Variants in COMMD10 observed in about 807,000 individuals in gnomAD.
COMMD10 encodes COMM domain-containing protein 10.
In COMMD10, 33 loss-of-function variants were observed where a neutral mutation model predicts 28.9. The observed-to-expected ratio is 1.14, with a 90% CI of 0.87 to 1.53. The LOEUF is 1.53. Ranked by LOEUF, COMMD10 falls within the 40% of genes most tolerant of loss-of-function variation. The pLI is 0.00. For synonymous variants in COMMD10, 110 were observed against 81.7 expected (o/e 1.35, Z -1.87); for missense variants, 310 against 233.4 (o/e 1.33, Z -2.14).
At chr5:116,234,714 G>A (rs904497486) in intron 5 of COMMD10, among the ~76,000 whole-genome samples, 4 of 152,066 alleles carry the variant, frequency 2.6e-5, no homozygotes, top group African/African-American at 7.2e-5. Flanking sequence ...AGGAACTTCC[G>A]AAAAAATAGT....
chr5:116,095,025 A>G (rs1490664194), intron 4 of COMMD10, among the ~76,000 whole-genome samples: 1 of 152,134 alleles, frequency 6.6e-6, no homozygotes, highest in African/African-American at 2.4e-5. Context: ...AATGCATGGG[A>G]TGTGGGGTCG....
intron 5 of COMMD10, among the ~76,000 whole-genome samples, chr5:116,236,868 C>A (rs1274952171): frequency 1.3e-5 from 2 of 152,040 alleles, no homozygotes; most frequent in Admixed American, 1.3e-4. Flanking sequence ...ATGTACTACT[C>A]TGGTGGGGGA....
At chr5:116,184,314 CT>C (rs35164348) in intron 5 of COMMD10, among the ~76,000 whole-genome samples, 25,344 of 144,200 alleles carry the variant, frequency 0.18, 2,319 homozygotes, top group East Asian at 0.38. Context: ...TATATCTGAC[CT>C]TTTTTTTTTT....
intron 5 of COMMD10, among the ~76,000 whole-genome samples, chr5:116,192,778 T>C (rs1748403836): frequency 6.6e-6 from 1 of 152,178 alleles, no homozygotes; most frequent in South Asian, 2.1e-4. Flanking sequence ...CCAGCCTTGC[T>C]AGGAACCTAG....
chr5:116,275,926 G>A (rs1392430137), intron 5 of COMMD10, among the ~76,000 whole-genome samples: 1 of 150,650 alleles, frequency 6.6e-6, no homozygotes, highest in Non-Finnish European at 1.5e-5. Context: ...TCCTTTTAGA[G>A]GGAAAGTAAA....
At chr5:116,209,864 T>C (rs528990372) in intron 5 of COMMD10, among the ~76,000 whole-genome samples, 22 of 152,244 alleles carry the variant, frequency 1.4e-4, no homozygotes, top group South Asian at 2.1e-4. Flanking sequence ...TAAAAAACAT[T>C]TTATATAGTT....
chr5:116,170,123 A>G (rs148077411), intron 5 of COMMD10, among the ~76,000 whole-genome samples: 8,022 of 152,288 alleles, frequency 0.053, 296 homozygotes, highest in African/African-American at 0.11. Context: ...TTAAGCTGAT[A>G]AGCAACTTCA....
intron 5 of COMMD10, among the ~76,000 whole-genome samples, chr5:116,191,008 A>G (rs1012981406): frequency 6.6e-6 from 1 of 152,222 alleles, no homozygotes; most frequent in Admixed American, 6.5e-5. Context: ...GTTGCCTTAC[A>G]TAACTTTCCA....
intron 5 of COMMD10, among the ~76,000 whole-genome samples, chr5:116,269,056 C>T (rs1411979818): frequency 6.6e-6 from 1 of 151,422 alleles, no homozygotes; most frequent in Admixed American, 6.6e-5. Context: ...TGTAACAAAC[C>T]TGCATGTTGT....
intron 5 of COMMD10, among the ~76,000 whole-genome samples, chr5:116,219,238 CTG>C (rs33980750): frequency 0.59 from 89,823 of 151,692 alleles, 30,751 homozygotes; most frequent in South Asian, 0.77. Context: ...GCCACCCAGT[CTG>C]TGGCATTTCG....
rs921941708 is a variant in COMMD10 at position 116,292,626 on chromosome 5, C to G, written c.*137C>G. The G allele has an allele frequency of 1.8e-6, 1 of 571,174 alleles. No homozygotes were observed. Among genetic ancestry groups the G allele is most frequent in the Non-Finnish European group, 3.0e-6 (1 of 333,592 alleles). 35.4% of individuals were successfully genotyped at this position (571,174 alleles called of 1,614,324 possible). The stretch of plus-strand genomic sequence containing the variant: ...ATTATATGGCTTATCACTTCTTAGA[C>G]AAATAACAACCAATAGAGATCATTG... On this transcript the variant is annotated 3_prime_UTR_variant, in exon 7 of 7. Coordinates refer to ENST00000274458, the MANE Select transcript of COMMD10 (RefSeq NM_016144.4).
At chr5:116,118,748 T>C (rs1335965770) in intron 4 of COMMD10, among the ~76,000 whole-genome samples, 3 of 107,860 alleles carry the variant, frequency 2.8e-5, no homozygotes, top group East Asian at 4.7e-4. Flanking sequence ...ATGGAAATTC[T>C]CCAGGAAAAA....
chr5:116,256,223 A>C (rs748886456), intron 5 of COMMD10, among the ~76,000 whole-genome samples: 1 of 151,824 alleles, frequency 6.6e-6, no homozygotes, highest in Admixed American at 6.6e-5. Flanking sequence ...GTTTTGTCCA[A>C]AATGATTTTG....
At chr5:116,094,900 C>T (rs1421516002) in intron 4 of COMMD10, among the ~76,000 whole-genome samples, 1 of 152,038 alleles carries the variant, frequency 6.6e-6, no homozygotes. Flanking sequence ...CTTTATGTTA[C>T]GTGAAATAAG....
chr5:116,188,183 C>T (rs1304621022), intron 5 of COMMD10, among the ~76,000 whole-genome samples: 1 of 152,120 alleles, frequency 6.6e-6, no homozygotes, highest in African/African-American at 2.4e-5. Flanking sequence ...AGGAAAATAA[C>T]TTGTCTGTGA....
At chr5:116,182,150 C>T (rs893721540) in intron 5 of COMMD10, among the ~76,000 whole-genome samples, 3 of 151,994 alleles carry the variant, frequency 2.0e-5, no homozygotes, top group African/African-American at 7.2e-5. Context: ...ACAACTAGGT[C>T]TGTTAAGAGG....
chr5:116,285,150 A>G (rs942140099), intron 5 of COMMD10, among the ~76,000 whole-genome samples: 1 of 151,908 alleles, frequency 6.6e-6, no homozygotes, highest in African/African-American at 2.4e-5. Flanking sequence ...ACCCACTCCT[A>G]ATATTTGTAA....
chr5:116,216,899 A>T (rs1310703147), intron 5 of COMMD10, among the ~76,000 whole-genome samples: 2 of 152,148 alleles, frequency 1.3e-5, no homozygotes, highest in Non-Finnish European at 2.9e-5. Context: ...AGTTTAGTTA[A>T]CATTTTTTAA....
At chr5:116,105,823 A>G (rs1474394902) in intron 4 of COMMD10, among the ~76,000 whole-genome samples, 1 of 151,974 alleles carries the variant, frequency 6.6e-6, no homozygotes, top group African/African-American at 2.4e-5. Flanking sequence ...ATCATTTTCT[A>G]TTGTGTGTAT....
Sources: gnomAD v4.1 joint callset for allele counts (sites outside exome capture counted in the v4.1 genomes callset) on GRCh38, gnomAD v4.1.1 for gene constraint, MANE v1.5 for transcripts, NCBI Gene and HGNC (gene_info 2026-07-23, HGNC 2026-07-21) for gene names.